WASF3: variants seen among roughly 807,000 people sequenced by gnomAD.
The protein encoded by WASF3 is actin-binding protein WASF3.
Under a neutral mutation model 46.6 loss-of-function variants are expected in WASF3, and 11 were observed. The observed-to-expected ratio is 0.24, with a 90% CI of 0.15 to 0.39. The LOEUF (loss-of-function observed/expected upper bound fraction) is 0.39. WASF3 is among the 10% of genes least tolerant of loss of function. WASF3 has a pLI of 1.00. For missense variants in WASF3, 576 were observed against 669.8 expected (o/e 0.86, Z 1.55); for synonymous variants, 242 against 259.7 (o/e 0.93, Z 0.65).
chr13:26,581,806 G>C (rs1160232322), intron 1 of WASF3, among the ~76,000 whole-genome samples: 1 of 152,198 alleles, frequency 6.6e-6, no homozygotes, highest in Non-Finnish European at 1.5e-5. Context: ...GCATCATTTG[G>C]AGTATCAAAT....
chr13:26,684,070 G>T (rs1244706420), intron 9 of WASF3, among the ~76,000 whole-genome samples: 1 of 152,230 alleles, frequency 6.6e-6, no homozygotes, highest in African/African-American at 2.4e-5. Flanking sequence ...GAGGAGCTGT[G>T]ATGCTGCTGC....
At chr13:26,676,515 C>A in intron 6 of WASF3, 34 bp from the exon 7 acceptor site, 1 of 1,605,432 alleles carries the variant, frequency 6.2e-7, no homozygotes, top group Non-Finnish European at 8.5e-7. Flanking sequence ...TCCCTTCTGT[C>A]TTGGCATGCT....
chr13:26,654,272 T>C (rs2137438796), intron 3 of WASF3, among the ~76,000 whole-genome samples: 1 of 152,300 alleles, frequency 6.6e-6, no homozygotes, highest in East Asian at 1.9e-4. Context: ...CAAGCACATA[T>C]TTGTCTTCAG....
At chr13:26,542,602 T>C in the WASF3 span, among the ~76,000 whole-genome samples, 2 of 152,248 alleles carry the variant, frequency 1.3e-5, no homozygotes, top group Non-Finnish European at 2.9e-5. Context: ...GAATCTTAAT[T>C]GTAGTACTGC....
chr13:26,616,817 A>G (rs1261633603), intron 2 of WASF3, among the ~76,000 whole-genome samples: 1 of 152,086 alleles, frequency 6.6e-6, no homozygotes, highest in African/African-American at 2.4e-5. Context: ...GAGGTTGGAG[A>G]TCTGCCATTC....
intron 7 of WASF3, among the ~76,000 whole-genome samples, chr13:26,678,682 A>G (rs1192340999): frequency 2.0e-5 from 3 of 152,160 alleles, no homozygotes. Flanking sequence ...ATTGTTAGGA[A>G]TGGCTTGTTC....
At chr13:26,672,951 A>G (rs928585936) in intron 6 of WASF3, among the ~76,000 whole-genome samples, 2 of 152,222 alleles carry the variant, frequency 1.3e-5, no homozygotes, top group Non-Finnish European at 2.9e-5. Flanking sequence ...ACTTGGTCAC[A>G]CACAGTCTTC....
chr13:26,549,822 C>G, the WASF3 span, among the ~76,000 whole-genome samples: 6 of 152,152 alleles, frequency 3.9e-5, no homozygotes, highest in Admixed American at 3.9e-4. Flanking sequence ...AACCCCAGTG[C>G]CTGATGGTTG....
the WASF3 span, among the ~76,000 whole-genome samples, chr13:26,548,986 TTTG>T: frequency 4.0e-5 from 5 of 125,734 alleles, no homozygotes; most frequent in African/African-American, 1.1e-4. Flanking sequence ...TCTTTCTTTC[TTTG>T]TTTTTTTTTT....
chr13:26,648,212 G>C (rs1882208746), intron 3 of WASF3, among the ~76,000 whole-genome samples: 1 of 152,050 alleles, frequency 6.6e-6, no homozygotes, highest in Non-Finnish European at 1.5e-5. Flanking sequence ...CCAAAATCCT[G>C]TGACTCCATT....
intron 2 of WASF3, among the ~76,000 whole-genome samples, chr13:26,632,244 T>G (rs941846716): frequency 5.3e-5 from 8 of 152,346 alleles, no homozygotes; most frequent in African/African-American, 1.9e-4. Context: ...ATCCTTGTCT[T>G]GTGCCGGTTT....
At chr13:26,589,027 C>T (rs1880214576) in intron 1 of WASF3, among the ~76,000 whole-genome samples, 1 of 152,040 alleles carries the variant, frequency 6.6e-6, no homozygotes, top group Non-Finnish European at 1.5e-5. Flanking sequence ...CTCTTGGGCT[C>T]AAATGACCCT....
At chr13:26,614,000 A>G (rs1487726379) in intron 2 of WASF3, among the ~76,000 whole-genome samples, 1 of 152,214 alleles carries the variant, frequency 6.6e-6, no homozygotes, top group African/African-American at 2.4e-5. Context: ...GCAGAATACT[A>G]TCATCTGTCT....
At chr13:26,629,362 C>G (rs557950593) in intron 2 of WASF3, among the ~76,000 whole-genome samples, 16 of 144,218 alleles carry the variant, frequency 1.1e-4, no homozygotes, top group African/African-American at 3.4e-4. Context: ...AGTACCTTGA[C>G]CATACAACCA....
chr13:26,674,708 T>TA (rs1468548234), intron 6 of WASF3, among the ~76,000 whole-genome samples: 2 of 152,220 alleles, frequency 1.3e-5, no homozygotes, highest in Non-Finnish European at 2.9e-5. Context: ...CTGTTGCTCT[T>TA]ACAATACTGC....
chr13:26,647,834 A>G (rs1429113696), intron 3 of WASF3, among the ~76,000 whole-genome samples: 1 of 150,510 alleles, frequency 6.6e-6, no homozygotes, highest in African/African-American at 2.5e-5. Flanking sequence ...AGAAACACAC[A>G]AAAGAGTCAA....
At chr13:26,542,284 T>C in the WASF3 span, among the ~76,000 whole-genome samples, 1 of 152,240 alleles carries the variant, frequency 6.6e-6, no homozygotes, top group African/African-American at 2.4e-5. Context: ...AATAAGATTG[T>C]AGGTTGTTTG....
chr13:26,641,582 A>C (rs1251492999), intron 2 of WASF3, among the ~76,000 whole-genome samples: 3 of 152,152 alleles, frequency 2.0e-5, no homozygotes, highest in Non-Finnish European at 2.9e-5. Context: ...GCAGGAAGAA[A>C]GGTAACTATA....
At chr13:26,558,675 A>G (rs781467266) in intron 1 of WASF3, among the ~76,000 whole-genome samples, 8 of 152,212 alleles carry the variant, frequency 5.3e-5, no homozygotes, top group Non-Finnish European at 7.3e-5. Context: ...TGATGGGCTT[A>G]GGGATCAATG....
Sources: allele counts gnomAD v4.1 joint callset (sites outside exome capture counted in the v4.1 genomes callset), GRCh38; gene constraint gnomAD v4.1.1; transcripts MANE v1.5; gene names NCBI Gene and HGNC (gene_info 2026-07-23, HGNC 2026-07-21).